Variants in NRP2 observed in about 807,000 individuals in gnomAD.
NRP2 encodes neuropilin-2.
Under a neutral mutation model 110.4 loss-of-function variants are expected in NRP2, and 52 were observed. The observed-to-expected ratio is 0.47, with a 90% CI of 0.38 to 0.59. NRP2 has a LOEUF of 0.59. Among genes scored for constraint, NRP2 ranks in the 20% least tolerant of loss-of-function variants. The probability of loss-of-function intolerance (pLI) is 0.00; values close to 1 mark genes in which losing one functional copy is unlikely to be tolerated. For missense variants in NRP2, 1,049 were observed against 1,203.0 expected, an observed-to-expected ratio of 0.87 and a Z score of 1.89; for synonymous variants, 508 against 468.9, an observed-to-expected ratio of 1.08 and a Z score of -1.08.
intron 15 of NRP2, chr2:205,767,273 G>A (rs2057940145): frequency 2.8e-6 from 1 of 356,024 alleles, no homozygotes. Flanking sequence ...ACAGAGCCGA[G>A]GGGCTTCTGT....
At chr2:205,764,517 T>G (rs529689386) in intron 13 of NRP2, 153 of 157,462 alleles carry the variant, frequency 9.7e-4, no homozygotes, top group Non-Finnish European at 1.7e-3. Context: ...TGGTTGCAAC[T>G]TGGGTAGGAG....
At position 205,748,541 on chromosome 2, in the gene NRP2, G is replaced by A. The variant is rs557650192; in HGVS notation, c.1787-1184G>A. 1.4e-4 allele frequency among the ~76,000 whole-genome samples: 22 copies of A among 152,314 alleles called. 1 individual carries two copies. The South Asian group carries it at 1.9e-3, about 13-fold the overall frequency. On this transcript the variant is annotated intron_variant, in intron 10 of 16. Coordinates refer to ENST00000357785, the MANE Select transcript of NRP2 (RefSeq NM_003872.3). ...AAGGGAAGTATGAAAGGTTATGTGC[G>A]TAGTATTTAATAGCAGAAAGGTGGG...
chr2:205,765,769 C>T (rs549730522), intron 14 of NRP2, 199 bp downstream of exon 14: 68 of 716,390 alleles, frequency 9.5e-5, no homozygotes, highest in African/African-American at 4.6e-4. Context: ...GGTAAGGGGA[C>T]GGCTTATATC....
intron 2 of NRP2, among the ~76,000 whole-genome samples, chr2:205,707,833 G>C (rs563350041): frequency 1.3e-5 from 2 of 152,114 alleles, no homozygotes; most frequent in African/African-American, 4.8e-5. Context: ...TCACCCTGCC[G>C]AGTAAAGGGG....
At chr2:205,753,133 T>A (rs2057677677) in intron 12 of NRP2, among the ~76,000 whole-genome samples, 158 bp downstream of exon 12, 1 of 152,142 alleles carries the variant, frequency 6.6e-6, no homozygotes, top group South Asian at 2.1e-4. Flanking sequence ...AGACGTCACC[T>A]CAAAGAATAG....
At chr2:205,703,208 G>A (rs975918801) in intron 2 of NRP2, among the ~76,000 whole-genome samples, 2 of 152,166 alleles carry the variant, frequency 1.3e-5, no homozygotes, top group African/African-American at 4.8e-5. Flanking sequence ...GTCCCTCTGG[G>A]AATATGACAT....
At chr2:205,688,180 A>G (rs771159075) in intron 1 of NRP2, among the ~76,000 whole-genome samples, 8 of 152,256 alleles carry the variant, frequency 5.3e-5, no homozygotes, top group Non-Finnish European at 7.3e-5. Context: ...AACTGACAAG[A>G]AAGGACTTGA....
intron 8 of NRP2, among the ~76,000 whole-genome samples, chr2:205,741,361 A>G (rs2057438668): frequency 6.6e-6 from 1 of 152,202 alleles, no homozygotes; most frequent in Admixed American, 6.5e-5. Context: ...AATAACAGAC[A>G]TTACCTGGTG....
At chr2:205,756,534 C>T (rs186847240) in intron 12 of NRP2, 2 of 152,298 alleles carry the variant, frequency 1.3e-5, no homozygotes, top group East Asian at 1.9e-4. Flanking sequence ...GCCAAAACTT[C>T]GGTTCTGCTG....
At chr2:205,769,838 G>A (rs1252792222) in intron 15 of NRP2, among the ~76,000 whole-genome samples, 1 of 152,080 alleles carries the variant, frequency 6.6e-6, no homozygotes, top group Non-Finnish European at 1.5e-5. Flanking sequence ...GGGGGAAAAA[G>A]AACCGAAAAG....
At chr2:205,783,015 T>G (rs1178216283) in intron 15 of NRP2, among the ~76,000 whole-genome samples, 1 of 152,200 alleles carries the variant, frequency 6.6e-6, no homozygotes, top group East Asian at 1.9e-4. Flanking sequence ...CGTTTAAAAT[T>G]AACCTGTCCC....
intron 1 of NRP2, among the ~76,000 whole-genome samples, chr2:205,689,395 T>C (rs1212020046): frequency 6.6e-6 from 1 of 152,260 alleles, no homozygotes; most frequent in African/African-American, 2.4e-5. Context: ...TGTCAGATTA[T>C]GTAGAATACT....
chr2:205,780,688 A>G (rs749311739), intron 15 of NRP2, among the ~76,000 whole-genome samples: 24 of 152,182 alleles, frequency 1.6e-4, no homozygotes, highest in Non-Finnish European at 2.5e-4. Flanking sequence ...GAAAATGTAC[A>G]TGTTCAGAAG....
intron 15 of NRP2, among the ~76,000 whole-genome samples, chr2:205,775,372 G>A (rs887945534): frequency 9.9e-5 from 15 of 152,114 alleles, no homozygotes; most frequent in African/African-American, 2.9e-4. Flanking sequence ...GCCAGTGAAC[G>A]TGGTTGCCTT....
chr2:205,721,246 A>G (rs2057005549), intron 3 of NRP2, among the ~76,000 whole-genome samples: 1 of 152,190 alleles, frequency 6.6e-6, no homozygotes, highest in Non-Finnish European at 1.5e-5. Flanking sequence ...TGAGCCCCAG[A>G]GGACACTTCC....
intron 7 of NRP2, among the ~76,000 whole-genome samples, chr2:205,738,127 C>T (rs191170995): frequency 5.3e-4 from 80 of 152,326 alleles, no homozygotes; most frequent in Non-Finnish European, 3.4e-4. Context: ...TGTTTCTAAA[C>T]GGTACCAGCG....
intron 1 of NRP2, 40 bp from the exon 2 acceptor site, chr2:205,697,504 A>G: frequency 6.4e-7 from 1 of 1,571,076 alleles, no homozygotes; most frequent in Non-Finnish European, 8.8e-7. Flanking sequence ...GAAAGTTGTA[A>G]CATATTTGAA....
intron 1 of NRP2, among the ~76,000 whole-genome samples, chr2:205,690,435 C>G (rs1294097320): frequency 6.6e-6 from 1 of 151,972 alleles, no homozygotes; most frequent in Non-Finnish European, 1.5e-5. Context: ...ATTAATTTTA[C>G]TAGTATTAAA....
chr2:205,696,558 C>T (rs2056430991), intron 1 of NRP2, among the ~76,000 whole-genome samples: 1 of 152,244 alleles, frequency 6.6e-6, no homozygotes. Flanking sequence ...CAGAACTTTA[C>T]TCCCGAATAG....
Sources: allele counts gnomAD v4.1 joint callset (sites outside exome capture counted in the v4.1 genomes callset), GRCh38; gene constraint gnomAD v4.1.1; transcripts MANE v1.5; gene names NCBI Gene and HGNC (gene_info 2026-07-23, HGNC 2026-07-21).